ZMAT1: variants seen among roughly 807,000 people sequenced by gnomAD.
ZMAT1 encodes zinc finger matrin-type 1, also known as zinc finger matrin-type protein 1.
ZMAT1 carries 11 observed loss-of-function variants against 18.5 expected under a neutral mutation model. The ratio of observed to expected loss-of-function variants is 0.59; its 90% CI spans 0.37 to 0.98. The LOEUF (loss-of-function observed/expected upper bound fraction) is 0.98, where lower values mean the gene tolerates loss of function less well. Among genes scored for constraint, ZMAT1 ranks in the 50% least tolerant of loss-of-function variants. The pLI, the probability that ZMAT1 is intolerant of heterozygous loss-of-function variation, is 0.01. For missense variants in ZMAT1, 525 were observed against 496.2 expected (o/e 1.06, Z -0.55); for synonymous variants, 211 against 176.4 (o/e 1.20, Z -1.55).
chrX:101,914,670 G>C (rs756813104), intron 1 of ZMAT1, among the ~76,000 whole-genome samples: 10 of 110,908 alleles, frequency 9.0e-5, no homozygotes, highest in Non-Finnish European at 1.9e-4. Context: ...AACCATTCAG[G>C]CCAATAACAA....
rs144995159 is a variant in ZMAT1 at position 101,898,000 on chromosome X, G to A, written c.544C>T (p.Leu182Phe). ...GGAGAGCTAAACATCATGTTGCAGA[G>A]ATCACAAAATTTGTTTTTGTCCACT... ...EGVDKNKFCD[L>F]CNMMFSSPLI... The change falls in exon 4 of 6, where the codon CTC becomes TTC. Residue 182 changes from leucine (L) to phenylalanine (F), a missense_variant. Coordinates refer to ENST00000651725, the MANE Select transcript of ZMAT1 (RefSeq NM_001394560.1). 2 of 1,211,434 alleles carry A rather than the reference G, an allele frequency of 1.7e-6. No individual in the cohort carries two copies. The highest frequency in any genetic ancestry group is 2.2e-5 in the Admixed American group (1 of 45,994).
rs141793904 is a variant in ZMAT1 at position 101,904,471 on chromosome X, G to A, written c.293-141C>T. ...AGGCTACAGTAACAGCTTTTTGTTC[G>A]AGTGTGCAATTTAATATGCACATAC... is the stretch of plus-strand genomic sequence containing the variant. On this transcript the variant is annotated intron_variant, in intron 1 of 5. Transcript: ENST00000651725. 2.2e-3 allele frequency: 982 copies of A among 448,707 alleles called. 12 individuals carry two copies. The African/African-American group carries it at 0.022, about 10-fold the overall frequency. The allele number at this position is 448,707 out of a possible 1,213,427, so 37.0% of individuals were successfully genotyped here. A position where few individuals can be genotyped will look rare whatever the true frequency, so the allele number is the denominator to read the frequency against.
At chrX:101,929,419 GAGATTAT>G (rs1202159241) in intron 1 of ZMAT1, among the ~76,000 whole-genome samples, 12 of 85,459 alleles carry the variant, frequency 1.4e-4, no homozygotes, top group African/African-American at 5.5e-4. Context: ...TATATAGAGA[GAGATTAT>G]ATATATATAT....
chrX:101,931,827 G>T lies in ZMAT1; in HGVS notation c.182C>A (p.Ala61Asp). The T allele has an allele frequency of 2.5e-6, 2 of 785,310 alleles. No individual in the cohort carries two copies. The highest frequency in any genetic ancestry group is 3.0e-6 in the Non-Finnish European group (2 of 662,105). 64.7% of individuals were successfully genotyped at this position (785,310 alleles called of 1,213,427 possible). A position where few individuals can be genotyped will look rare whatever the true frequency, so the allele number is the denominator to read the frequency against. Residue 61 changes from alanine (A) to aspartate (D), a missense_variant, in exon 1 of 6, where the codon GCC becomes GAC. Ala to Asp is a moderately radical substitution (Grantham distance 126). Coordinates refer to ENST00000651725, the MANE Select transcript of ZMAT1 (RefSeq NM_001394560.1). ...SATSAPACPPAGGCGDGGGGG... is the reference protein window; with the variant it reads ...SATSAPACPPDGGCGDGGGGG... The stretch of plus-strand genomic sequence containing the variant: ...GCCGCCGCCGTCGCCACAGCCACCG[G>T]CAGGCGGGCAGGCAGGGGCGGAGGT...
At chrX:101,923,020 A>G (rs1929828459) in intron 1 of ZMAT1, among the ~76,000 whole-genome samples, 1 of 111,442 alleles carries the variant, frequency 9.0e-6, no homozygotes, top group Admixed American at 9.6e-5. Flanking sequence ...AGAACTCACT[A>G]CCTGCCAGGA....
At chrX:101,885,948 G>T (rs1049160116) in intron 5 of ZMAT1, among the ~76,000 whole-genome samples, 1 of 111,556 alleles carries the variant, frequency 9.0e-6, no homozygotes, top group African/African-American at 3.3e-5. Context: ...GGGATTACAG[G>T]CATAAGCCAC....
chrX:101,931,873 T>TTAC lies in ZMAT1; in HGVS notation c.133_135dup (p.Val45dup), dbSNP rs1930527601. On this transcript the variant is annotated inframe_insertion, in exon 1 of 6. Transcript: ENST00000651725. ...GAGGTGGCGGAGGAGGCAGGAACAATTACTGCCGCCGCCGCCGCCGCCGCC... is the reference window on the plus strand; with the variant it reads ...GAGGTGGCGGAGGAGGCAGGAACAATTACTACTGCCGCCGCCGCCGCCGCCGCC... The TTAC allele has an allele frequency of 5.0e-6, 4 of 793,368 alleles. No individual in the cohort carries two copies. In the South Asian group the frequency reaches 1.4e-4, roughly 29 times the overall value. The allele number at this position is 793,368 out of a possible 1,213,427, so 65.4% of individuals were successfully genotyped here.
At position 101,904,379 on chromosome X, in the gene ZMAT1, G is replaced by A; in HGVS notation, c.293-49C>T. On this transcript the variant is annotated intron_variant, in intron 1 of 5. Coordinates refer to ENST00000651725, the MANE Select transcript of ZMAT1 (RefSeq NM_001394560.1). ...AATATATCACATTAATAAATATTTA[G>A]AGGTATCATTTTTCATTCCTCAACT... is the stretch of plus-strand genomic sequence containing the variant. 8 of 953,446 alleles carry A rather than the reference G, an allele frequency of 8.4e-6. 1 individual carries two copies. Among genetic ancestry groups the A allele is most frequent in the Non-Finnish European group, 1.2e-5 (8 of 686,465 alleles). 78.6% of individuals were successfully genotyped at this position (953,446 alleles called of 1,213,427 possible).
chrX:101,897,000 G>C (rs1380523037), intron 4 of ZMAT1, among the ~76,000 whole-genome samples: 2 of 109,342 alleles, frequency 1.8e-5, no homozygotes, highest in Non-Finnish European at 3.8e-5. Context: ...TAGAAAGAGA[G>C]TCAGTAACTT....
At chrX:101,911,889 G>A (rs1285330474) in intron 1 of ZMAT1, 16 of 1,205,272 alleles carry the variant, frequency 1.3e-5, no homozygotes, top group Non-Finnish European at 1.7e-5. Flanking sequence ...CAGCATGAAA[G>A]GACGCACACT....
At chrX:101,917,005 T>C (rs1356791081) in intron 1 of ZMAT1, among the ~76,000 whole-genome samples, 2 of 111,736 alleles carry the variant, frequency 1.8e-5, no homozygotes, top group Non-Finnish European at 3.8e-5. Flanking sequence ...AAAATGCAGC[T>C]AGACCCCTAT....
chrX:101,903,120 T>C (rs1263767642), intron 2 of ZMAT1, among the ~76,000 whole-genome samples: 1 of 112,100 alleles, frequency 8.9e-6, no homozygotes, highest in Non-Finnish European at 1.9e-5. Flanking sequence ...AATGGATAAA[T>C]TGTAGTTATC....
intron 1 of ZMAT1, among the ~76,000 whole-genome samples, chrX:101,928,982 G>A (rs991362308): frequency 1.2e-4 from 13 of 110,871 alleles, no homozygotes; most frequent in African/African-American, 4.3e-4. Context: ...CCTTTACTGT[G>A]AATTCTGAGT....
chrX:101,925,701 C>G (rs972399593), intron 1 of ZMAT1, among the ~76,000 whole-genome samples: 8 of 112,550 alleles, frequency 7.1e-5, no homozygotes, highest in Admixed American at 1.9e-4. Flanking sequence ...GTTCACTAAT[C>G]CAGAAGCTTT....
At chrX:101,919,246 T>G (rs2147666492) in intron 1 of ZMAT1, among the ~76,000 whole-genome samples, 1 of 111,799 alleles carries the variant, frequency 8.9e-6, no homozygotes, top group South Asian at 3.7e-4. Context: ...TTATGGTAGA[T>G]ATTTTTGAGA....
At chrX:101,897,062 AT>A in intron 4 of ZMAT1, among the ~76,000 whole-genome samples, 1 of 109,778 alleles carries the variant, frequency 9.1e-6, no homozygotes, top group Non-Finnish European at 1.9e-5. Context: ...TGGTGAAGAC[AT>A]TGATTTGAAC....
At chrX:101,903,806 G>A (rs1157083554) in intron 2 of ZMAT1, among the ~76,000 whole-genome samples, 1 of 111,817 alleles carries the variant, frequency 8.9e-6, no homozygotes, top group Non-Finnish European at 1.9e-5. Context: ...AAAACATGTG[G>A]TTCAATCAAG....
intron 1 of ZMAT1, among the ~76,000 whole-genome samples, chrX:101,929,448 T>C (rs867310916): frequency 2.5e-3 from 143 of 57,436 alleles, no homozygotes; most frequent in South Asian, 0.01. Context: ...TATATATATA[T>C]ATATATATAC....
At position 101,931,919 on chromosome X, in the gene ZMAT1, G is replaced by A; in HGVS notation, c.90C>T (p.Tyr30=). 1 of 791,310 alleles carries A rather than the reference G, an allele frequency of 1.3e-6. No homozygotes were observed. Among genetic ancestry groups the A allele is most frequent in the Non-Finnish European group, 1.5e-6 (1 of 665,677 alleles). The allele number at this position is 791,310 out of a possible 1,213,427, so 65.2% of individuals were successfully genotyped here. Residue 30 remains tyrosine (Y), a synonymous_variant, in exon 1 of 6, where the codon TAC becomes TAT. Transcript: ENST00000651725. ...CCGCCGCCGCTGCCGCGCAGGCGGT[G>A]TAGGAGGAGGAGGAGGCGGCAGAGA... is the stretch of plus-strand genomic sequence containing the variant. ...ATVSAASSSS[Y]TACAAAAAAA...
Sources: allele counts gnomAD v4.1 joint callset (sites outside exome capture counted in the v4.1 genomes callset), GRCh38; gene constraint gnomAD v4.1.1; transcripts MANE v1.5; gene names NCBI Gene and HGNC (gene_info 2026-07-23, HGNC 2026-07-21).